The following VPS50 variants were observed in gnomAD, a reference collection of about 807,000 sequenced individuals.
The protein encoded by VPS50 is VPS50 subunit of EARP/GARPII complex.
VPS50 carries 70 observed loss-of-function variants against 139.7 expected under a neutral mutation model. The observed-to-expected ratio is 0.50, with a 90% CI of 0.41 to 0.61. VPS50 has a LOEUF of 0.61. VPS50 is among the 20% of genes least tolerant of loss of function. The probability of loss-of-function intolerance (pLI) is 0.00; values close to 1 mark genes in which losing one functional copy is unlikely to be tolerated. For missense variants in VPS50, 921 were observed against 1,133.7 expected (o/e 0.81, Z 2.69); for synonymous variants, 365 against 376.7 (o/e 0.97, Z 0.36).
intron 13 of VPS50, among the ~76,000 whole-genome samples, chr7:93,292,101 A>C (rs1475491695): frequency 6.6e-6 from 1 of 152,032 alleles, no homozygotes; most frequent in East Asian, 1.9e-4. Context: ...TGAATTTATA[A>C]ATTTTTGTTG....
chr7:93,242,870 G>A (rs1174608785), intron 2 of VPS50, among the ~76,000 whole-genome samples: 5 of 151,898 alleles, frequency 3.3e-5, no homozygotes, highest in Non-Finnish European at 7.4e-5. Flanking sequence ...TAGGATAAAT[G>A]ATGGCTGTTT....
intron 1 of VPS50, 137 bp downstream of exon 1, chr7:93,232,637 G>A: frequency 1.3e-6 from 1 of 783,658 alleles, no homozygotes. Context: ...GGGAAGCCGG[G>A]GCATACCCTA....
Position 93,355,929 on chromosome 7 carries a change from C to T in VPS50, c.2624C>T (p.Ala875Val). The T allele has an allele frequency of 6.2e-7, 1 of 1,602,708 alleles. No individual in the cohort carries two copies. Among genetic ancestry groups the T allele is most frequent in the South Asian group, 1.1e-5 (1 of 89,780 alleles). The change falls in exon 27 of 28, where the codon GCC becomes GTC. Residue 875 changes from alanine to valine, a missense_variant. Physicochemically the swap from Ala to Val is moderately conservative, Grantham distance 64. This residue lies in a region of VPS50 where 158 missense variants were observed against 156.3 expected (regional missense o/e 1.01). Coordinates refer to ENST00000305866, the MANE Select transcript of VPS50 (RefSeq NM_017667.4). Reference protein sequence around the residue: ...NVKKCSNEGRALMQLDFQQFL... With the variant: ...NVKKCSNEGRVLMQLDFQQFL... The stretch of plus-strand genomic sequence containing the variant: ...AAGAAATGCAGTAATGAGGGTCGTG[C>T]CCTGATGCAATTGGATTTTCAACAG...
chr7:93,256,684 TG>T (rs1375898231), intron 5 of VPS50, 122 bp downstream of exon 5: 1 of 583,882 alleles, frequency 1.7e-6, no homozygotes, highest in East Asian at 3.4e-5. Context: ...TGACTGTTTT[TG>T]GGTGTGTTTG....
chr7:93,283,588 G>T (rs1462650598), intron 12 of VPS50, among the ~76,000 whole-genome samples: 1 of 152,110 alleles, frequency 6.6e-6, no homozygotes, highest in Non-Finnish European at 1.5e-5. Context: ...CATCAGTTCA[G>T]ATCAGCAAGG....
chr7:93,311,397 A>G (rs1023387196), intron 20 of VPS50, 125 bp downstream of exon 20: 2 of 574,400 alleles, frequency 3.5e-6, no homozygotes, highest in Non-Finnish European at 3.1e-6. Context: ...ATTTAAGGTT[A>G]TCATATGTCA....
chr7:93,303,410 C>A (rs373222116), intron 16 of VPS50, 50 bp from the exon 17 acceptor site: 1 of 729,194 alleles, frequency 1.4e-6, no homozygotes, highest in Admixed American at 2.0e-5. Flanking sequence ...TTCTTGTGTG[C>A]GGTGTACTTT....
At chr7:93,352,017 A>G (rs188822385) in intron 25 of VPS50, among the ~76,000 whole-genome samples, 11 of 152,306 alleles carry the variant, frequency 7.2e-5, no homozygotes, top group Admixed American at 2.0e-4. Context: ...AAGTCTAAGC[A>G]TCTAAATCTA....
At chr7:93,259,787 ATAAT>A (rs1487743268) in intron 9 of VPS50, among the ~76,000 whole-genome samples, 155 bp downstream of exon 9, 7 of 152,168 alleles carry the variant, frequency 4.6e-5, no homozygotes, top group Admixed American at 4.6e-4. Flanking sequence ...AAAATTATAA[ATAAT>A]AGGCTTTAAG....
chr7:93,284,922 G>T (rs148943438), intron 12 of VPS50, among the ~76,000 whole-genome samples: 64 of 152,256 alleles, frequency 4.2e-4, no homozygotes, highest in African/African-American at 1.4e-3. Flanking sequence ...ATACAGCTAG[G>T]CCCTCACAGA....
intron 23 of VPS50, among the ~76,000 whole-genome samples, chr7:93,342,862 T>C (rs2117064780): frequency 6.6e-6 from 1 of 151,912 alleles, no homozygotes; most frequent in South Asian, 2.1e-4. Flanking sequence ...CAAAAGTAGA[T>C]AAAACCACAA....
At chr7:93,240,088 G>T in intron 2 of VPS50, 154 bp downstream of exon 2, 1 of 519,708 alleles carries the variant, frequency 1.9e-6, no homozygotes, top group Non-Finnish European at 3.6e-6. Context: ...TAGGTGTAGG[G>T]CTTGTTTCAT....
chr7:93,234,152 T>C (rs1189358431), intron 1 of VPS50, among the ~76,000 whole-genome samples: 1 of 152,270 alleles, frequency 6.6e-6, no homozygotes, highest in Non-Finnish European at 1.5e-5. Context: ...TGTTTGATGC[T>C]GTCTCAAGTT....
chr7:93,311,225 A>G lies in VPS50; in HGVS notation c.1808A>G (p.Asn603Ser). 1 of 1,429,036 alleles carries G rather than the reference A, an allele frequency of 7.0e-7. No homozygotes were observed. The highest frequency in any genetic ancestry group is 1.7e-5 in the Admixed American group (1 of 59,660). The allele number at this position is 1,429,036 out of a possible 1,614,324, so 88.5% of individuals were successfully genotyped here. A position where few individuals can be genotyped will look rare whatever the true frequency, so the allele number is the denominator to read the frequency against. ...TCAGATTACAGTCTAAATAAAGTGA[A>G]TGCACCTATCTTAACAAATACAACA... ...KKSDYSLNKV[N>S]APILTNTTLN... is the part of the protein sequence containing the mutation. The change falls in exon 20 of 28, where the codon AAT becomes AGT. Residue 603 changes from asparagine (N) to serine (S), a missense_variant. Transcript: ENST00000305866.
intron 2 of VPS50, among the ~76,000 whole-genome samples, chr7:93,243,869 T>G (rs1402358749): frequency 6.6e-6 from 1 of 151,926 alleles, no homozygotes; most frequent in Non-Finnish European, 1.5e-5. Context: ...TAATATACAC[T>G]TTCCATAGTA....
At chr7:93,326,626 G>A (rs2117029744) in intron 21 of VPS50, among the ~76,000 whole-genome samples, 1 of 151,872 alleles carries the variant, frequency 6.6e-6, no homozygotes, top group South Asian at 2.1e-4. Context: ...CTCTTATTGA[G>A]TATATCTTTT....
intron 27 of VPS50, among the ~76,000 whole-genome samples, chr7:93,356,441 C>G (rs1247171463): frequency 1.3e-5 from 2 of 152,134 alleles, no homozygotes; most frequent in Non-Finnish European, 2.9e-5. Context: ...GATTCATAAG[C>G]CATAATCGAT....
chr7:93,262,505 G>A (rs1795715864), intron 9 of VPS50, among the ~76,000 whole-genome samples: 1 of 152,230 alleles, frequency 6.6e-6, no homozygotes, highest in Non-Finnish European at 1.5e-5. Flanking sequence ...AGCATGCTAT[G>A]TTTAGATATG....
chr7:93,259,395 T>C (rs1795596765), intron 8 of VPS50, 155 bp from the exon 9 acceptor site: 2 of 474,520 alleles, frequency 4.2e-6, no homozygotes, highest in East Asian at 6.4e-5. Flanking sequence ...TTGCCTCTTA[T>C]ATTTTGTCAC....
Sources: allele counts gnomAD v4.1 joint callset (sites outside exome capture counted in the v4.1 genomes callset), GRCh38; gene constraint gnomAD v4.1.1; regional missense constraint gnomAD v4.1.1; transcripts MANE v1.5; gene names NCBI Gene and HGNC (gene_info 2026-07-23, HGNC 2026-07-21).